LRRC66: variants seen among roughly 807,000 people sequenced by gnomAD.
LRRC66 encodes the protein leucine rich repeat containing 66.
LRRC66 carries 29 observed loss-of-function variants against 24.6 expected under a neutral mutation model. The ratio of observed to expected loss-of-function variants is 1.18; its 90% CI spans 0.88 to 1.61. The LOEUF is 1.61. LRRC66 is among the 40% of genes most tolerant of loss of function. The pLI is 0.00. For missense variants in LRRC66, 1,124 were observed against 1,058.0 expected (o/e 1.06, Z -0.87); for synonymous variants, 411 against 397.6 (o/e 1.03, Z -0.40).
At chr4:52,002,803 G>C (rs1736486285) in intron 3 of LRRC66, among the ~76,000 whole-genome samples, 1 of 152,212 alleles carries the variant, frequency 6.6e-6, no homozygotes, top group Admixed American at 6.5e-5. Flanking sequence ...TGACATCTTA[G>C]CATCAGCCAG....
In LRRC66 at chr4:51,994,725, C is replaced by A. The variant is rs753292616; in HGVS notation, c.2297G>T (p.Cys766Phe). Residue 766 changes from cysteine (C) to phenylalanine (F), a missense_variant, in exon 5 of 5, where the codon TGC becomes TTC. Transcript: ENST00000682860. ...NVTFQTIPGKCKNQEDPFEKP... is the reference protein window; with the variant it reads ...NVTFQTIPGKFKNQEDPFEKP... ...TTCAAAGGGATCTTCTTGATTCTTG[C>A]ATTTCCCTGGAATTGTTTGGAAGGT... 6.2e-7 allele frequency: 1 copy of A among 1,614,196 alleles called. No homozygotes were observed. The highest frequency in any genetic ancestry group is 8.5e-7 in the Non-Finnish European group (1 of 1,180,032).
In LRRC66 at chr4:51,994,811, G is replaced by A. The variant is rs752868980; in HGVS notation, c.2211C>T (p.Asp737=). 2.2e-5 allele frequency: 36 copies of A among 1,614,040 alleles called. No homozygotes were observed. The highest frequency in any genetic ancestry group is 4.5e-5 in the East Asian group (2 of 44,886). Residue 737 remains aspartate, a synonymous_variant, in exon 5 of 5, where the codon GAC becomes GAT. Coordinates refer to ENST00000682860, the MANE Select transcript of LRRC66 (RefSeq NM_001024611.3). ...EAVPDEESLQ[D]ESSGASKDNV... ...TGTCCTTGCTTGCCCCTGAGCTCTCGTCCTGCAGGGACTCCTCATCAGGCA... is the reference window on the plus strand; with the variant it reads ...TGTCCTTGCTTGCCCCTGAGCTCTCATCCTGCAGGGACTCCTCATCAGGCA...
At chr4:52,006,075 G>A (rs886281461) in intron 2 of LRRC66, among the ~76,000 whole-genome samples, 2 of 152,176 alleles carry the variant, frequency 1.3e-5, no homozygotes, top group African/African-American at 4.8e-5. Context: ...AAATATCTCA[G>A]TGCTTAATTG....
rs200418036 is a variant in LRRC66 at position 51,994,156 on chromosome 4, G to GT, written c.*222_*223insA. The GT allele has an allele frequency of 0.011, 5,648 of 509,262 alleles. 216 individuals are homozygous for GT. Among genetic ancestry groups the GT allele is most frequent in the East Asian group, 0.071 (2,203 of 31,068 alleles). The allele number at this position is 509,262 out of a possible 1,614,324, so 31.5% of individuals were successfully genotyped here. A position where few individuals can be genotyped will look rare whatever the true frequency, so the allele number is the denominator to read the frequency against. On this transcript the variant is annotated 3_prime_UTR_variant, in exon 5 of 5. Coordinates refer to ENST00000682860, the MANE Select transcript of LRRC66 (RefSeq NM_001024611.3). Reference sequence around the variant, plus strand: ...TCTTTCTCTTTCACACTGAAGAGCAGGTTCATCCCCATAGGATGTTAACAA... The same window carrying GT: ...TCTTTCTCTTTCACACTGAAGAGCAGTGTTCATCCCCATAGGATGTTAACAA...
intron 2 of LRRC66, among the ~76,000 whole-genome samples, chr4:52,016,123 A>G (rs1471901632): frequency 6.6e-6 from 1 of 152,212 alleles, no homozygotes; most frequent in Non-Finnish European, 1.5e-5. Context: ...GGTCAGGGAG[A>G]TAAGACGCCC....
Position 51,995,142 on chromosome 4 carries a change from C to T in LRRC66, c.1880G>A (p.Ser627Asn), listed in dbSNP as rs142904104. ...QMEFSKERQV[S>N]SSIDLLSIQQ... ...TATGCTCAGCAAATCAATGGATGAA[C>T]TCACTTGCCTTTCCTTAGAAAATTC... Residue 627 changes from serine to asparagine, a missense_variant, in exon 5 of 5, where the codon AGT (serine) becomes AAT (asparagine). Coordinates refer to ENST00000682860, the MANE Select transcript of LRRC66 (RefSeq NM_001024611.3). 48 of 1,614,260 alleles carry T rather than the reference C, an allele frequency of 3.0e-5. No homozygotes were observed. In the African/African-American group the frequency reaches 5.9e-4, roughly 20 times the overall value.
chr4:52,018,673 C>A (rs1264799884), intron 1 of LRRC66: 1 of 856,682 alleles, frequency 1.2e-6, no homozygotes. Flanking sequence ...ATTTGAAATC[C>A]TCAAAGGGCT....
intron 2 of LRRC66, among the ~76,000 whole-genome samples, chr4:52,011,729 T>C (rs1310095023): frequency 6.6e-6 from 1 of 152,206 alleles, no homozygotes; most frequent in Non-Finnish European, 1.5e-5. Context: ...CATCACTCTA[T>C]GTGTTATAGT....
In LRRC66 at chr4:52,007,183, TTTTTG is replaced by T. The variant is rs369457084; in HGVS notation, c.497-3796_497-3792del. Among the ~76,000 whole-genome samples the T allele has an allele frequency of 1.4e-4, 22 of 152,202 alleles. No homozygotes were observed. The East Asian group carries it at 2.7e-3, about 19-fold the overall frequency. ...GGTTTATTCCACCTTTATCTGTGAC[TTTTTG>T]TTTTGTTTTGAGACAGGATCTTGCT... is the stretch of plus-strand genomic sequence containing the variant. On this transcript the variant is annotated intron_variant, in intron 2 of 4. Coordinates refer to ENST00000682860, the MANE Select transcript of LRRC66 (RefSeq NM_001024611.3).
chr4:52,001,348 G>T lies in LRRC66; in HGVS notation c.666+1875C>A, dbSNP rs544072127. ...GCTCCAGGCAAAGGATGAGCAAGTG[G>T]GGAGGACTTGAGGTGAAAACAGAGG... On this transcript the variant is annotated intron_variant, in intron 3 of 4. Coordinates refer to ENST00000682860, the MANE Select transcript of LRRC66 (RefSeq NM_001024611.3). Among the ~76,000 whole-genome samples, 12 of 152,298 alleles carry T rather than the reference G, an allele frequency of 7.9e-5. No homozygotes were observed. In the East Asian group the frequency reaches 2.3e-3, roughly 29 times the overall value.
chr4:52,014,553 T>A (rs762056041), intron 2 of LRRC66, among the ~76,000 whole-genome samples: 11 of 152,146 alleles, frequency 7.2e-5, no homozygotes, highest in African/African-American at 1.2e-4. Context: ...AGTGAAGAAT[T>A]GAAGAACAAA....
At chr4:52,005,906 A>G (rs1736571656) in intron 2 of LRRC66, among the ~76,000 whole-genome samples, 1 of 152,246 alleles carries the variant, frequency 6.6e-6, no homozygotes, top group African/African-American at 2.4e-5. Flanking sequence ...CTCTGGAGAA[A>G]ATGTTTCTTT....
chr4:51,998,724 G>A (rs1268013208), intron 3 of LRRC66, among the ~76,000 whole-genome samples: 1 of 152,120 alleles, frequency 6.6e-6, no homozygotes, highest in East Asian at 1.9e-4. Context: ...TGTAAGTGTC[G>A]GACACGACAG....
chr4:52,007,966 C>T (rs1033721513), intron 2 of LRRC66, among the ~76,000 whole-genome samples: 2 of 152,020 alleles, frequency 1.3e-5, no homozygotes, highest in Non-Finnish European at 2.9e-5. Context: ...GGTTAGAGAT[C>T]TTGACTGCCA....
chr4:51,997,659 G>C, intron 4 of LRRC66, 89 bp downstream of exon 4: 1 of 1,219,032 alleles, frequency 8.2e-7, no homozygotes, highest in Admixed American at 1.9e-5. Context: ...TGCTTTCATG[G>C]GGACTGTCAT....
chr4:52,000,238 CT>C (rs1329406758), intron 3 of LRRC66, among the ~76,000 whole-genome samples: 1 of 152,158 alleles, frequency 6.6e-6, no homozygotes, highest in African/African-American at 2.4e-5. Flanking sequence ...GATTTTTAGT[CT>C]GCCTGTGACA....
chr4:52,001,083 TATG>T (rs2110194855), intron 3 of LRRC66, among the ~76,000 whole-genome samples: 1 of 152,294 alleles, frequency 6.6e-6, no homozygotes, highest in Non-Finnish European at 1.5e-5. Context: ...AGAAAACAGA[TATG>T]ATGTATGTCC....
intron 3 of LRRC66, among the ~76,000 whole-genome samples, chr4:52,000,230 T>C (rs1038824386): frequency 1.2e-4 from 19 of 152,218 alleles, no homozygotes; most frequent in Non-Finnish European, 2.9e-5. Context: ...TCAAGGTTGA[T>C]TTTTAGTCTG....
At chr4:52,006,753 CAAAAAA>C (rs1376136605) in intron 2 of LRRC66, among the ~76,000 whole-genome samples, 1 of 144,564 alleles carries the variant, frequency 6.9e-6, no homozygotes, top group African/African-American at 2.5e-5. Context: ...AACAAAAAAA[CAAAAAA>C]AAAGTGACAG....
Sources: gnomAD v4.1 joint callset for allele counts (sites outside exome capture counted in the v4.1 genomes callset) on GRCh38, gnomAD v4.1.1 for gene constraint, MANE v1.5 for transcripts, NCBI Gene and HGNC (gene_info 2026-07-23, HGNC 2026-07-21) for gene names.